ZBTB17: variants seen among roughly 807,000 people sequenced by gnomAD.
ZBTB17 encodes the protein zinc finger and BTB domain containing 17.
Under a neutral mutation model 85.1 loss-of-function variants are expected in ZBTB17, and 24 were observed. The ratio of observed to expected loss-of-function variants is 0.28; its 90% CI spans 0.20 to 0.40. The LOEUF is 0.40. ZBTB17 is among the 10% of genes least tolerant of loss of function. The pLI is 1.00. For synonymous variants in ZBTB17, 464 were observed against 460.2 expected (o/e 1.01, Z -0.11); for missense variants, 743 against 1,105.1 (o/e 0.67, Z 4.65).
intron 1 of ZBTB17, among the ~76,000 whole-genome samples, chr1:15,974,190 CA>C (rs35124967): frequency 6.7e-4 from 76 of 112,680 alleles, no homozygotes; most frequent in Admixed American, 1.2e-3. Context: ...GACGTAGTCT[CA>C]AAAAAAAAAA....
At chr1:15,959,913 G>A (rs2072195384) in intron 2 of ZBTB17, among the ~76,000 whole-genome samples, 1 of 152,084 alleles carries the variant, frequency 6.6e-6, no homozygotes, top group Admixed American at 6.5e-5. Context: ...CTTCTCAAAG[G>A]AAAAAATTTC....
rs144351835 is a variant in ZBTB17, at chr1:15,945,161, T to C, written c.703A>G (p.Lys235Glu). The change falls in exon 7 of 16, where the codon AAG (lysine) becomes GAG (glutamate). Residue 235 changes from lysine to glutamate, a missense_variant. Coordinates refer to ENST00000375743, the MANE Select transcript of ZBTB17 (RefSeq NM_003443.3). ...EPARKGEEEQ[K>E]EQEEQEEEGA... ...TCCTCCTCTTGCTCCTCTTGCTCCT[T>C]TTGCTCCTCTTCCCCTTTCCGGGCG... 12 of 1,572,668 alleles carry C rather than the reference T, an allele frequency of 7.6e-6. No homozygotes were observed. In the African/African-American group the frequency reaches 1.4e-4, roughly 18 times the overall value.
chr1:15,971,191 T>C (rs1225504906), intron 2 of ZBTB17, among the ~76,000 whole-genome samples: 1 of 151,924 alleles, frequency 6.6e-6, no homozygotes, highest in Non-Finnish European at 1.5e-5. Flanking sequence ...AGATCAAAAC[T>C]TGTTTGCTAA....
intron 2 of ZBTB17, among the ~76,000 whole-genome samples, chr1:15,955,891 G>A (rs1401285861): frequency 6.6e-6 from 1 of 152,140 alleles, no homozygotes; most frequent in Admixed American, 6.5e-5. Flanking sequence ...CACAACTAAA[G>A]TTTAGCCACA....
At chr1:15,944,060 G>A (rs1316273572) in intron 9 of ZBTB17, 165 bp from the exon 10 acceptor site, 3 of 967,228 alleles carry the variant, frequency 3.1e-6, no homozygotes, top group Non-Finnish European at 4.8e-6. Flanking sequence ...GCGGTGAGAG[G>A]TAAGCCGCCC....
At chr1:15,948,204 G>A (rs2071692870) in intron 3 of ZBTB17, 87 bp downstream of exon 3, 2 of 1,516,756 alleles carry the variant, frequency 1.3e-6, no homozygotes, top group East Asian at 2.3e-5. Flanking sequence ...CAGCCTGCAG[G>A]TGCTGCCCCT....
chr1:15,963,050 C>G (rs1259873092), intron 2 of ZBTB17, among the ~76,000 whole-genome samples: 2 of 152,182 alleles, frequency 1.3e-5, no homozygotes, highest in African/African-American at 4.8e-5. Context: ...ATTGCTTGAG[C>G]CCCAGAGTTT....
chr1:15,971,243 GAA>G (rs34763423), intron 2 of ZBTB17, among the ~76,000 whole-genome samples: 5 of 147,006 alleles, frequency 3.4e-5, no homozygotes, highest in Non-Finnish European at 7.5e-5. Context: ...CTGTGTGTAT[GAA>G]AAAAAAAAAT....
chr1:15,974,719 C>T (rs916160901), intron 1 of ZBTB17, among the ~76,000 whole-genome samples: 2 of 152,102 alleles, frequency 1.3e-5, no homozygotes, highest in Non-Finnish European at 2.9e-5. Context: ...GGACTACAGG[C>T]GCGCGCAAGC....
intron 2 of ZBTB17, among the ~76,000 whole-genome samples, chr1:15,962,786 C>T (rs2072306089): frequency 6.6e-6 from 1 of 152,020 alleles, no homozygotes; most frequent in African/African-American, 2.4e-5. Flanking sequence ...CGTATAAAAC[C>T]CAGCAGTGGT....
At position 15,958,372 on chromosome 1, in the gene ZBTB17, G is replaced by A. The variant is rs572610222; in HGVS notation, c.-2-9875C>T. Among the ~76,000 whole-genome samples the A allele has an allele frequency of 6.6e-5, 10 of 151,180 alleles. No homozygotes were observed. In the East Asian group the frequency reaches 7.8e-4, roughly 12 times the overall value. On this transcript the variant is annotated intron_variant, in intron 2 of 15. Transcript: ENST00000375743. ...CAGCTGGCCAAAGCCTTGGGAAGGC[G>A]GCTGACGGAAGCTAACAGAGCCACA... is the stretch of plus-strand genomic sequence containing the variant.
In ZBTB17 at chr1:15,966,416, A is replaced by G. The variant is rs183708336; in HGVS notation, c.-3+6623T>C. Among the ~76,000 whole-genome samples the G allele has an allele frequency of 5.3e-5, 8 of 152,262 alleles. No individual in the cohort carries two copies. The highest frequency in any genetic ancestry group is 1.9e-4 in the African/African-American group (8 of 41,550). On this transcript the variant is annotated intron_variant, in intron 2 of 15. Transcript: ENST00000375743. This position sits in a 1 kb window ranked among gnomAD's most constrained non-coding sequence, Gnocchi z 4.1. ...TTTTGATGTTACAATGAACCCACTA[A>G]GCCTGCTTTCTGGCCCGCTCTCCAC...
chr1:15,961,680 G>A (rs566276509), intron 2 of ZBTB17, among the ~76,000 whole-genome samples: 181 of 152,282 alleles, frequency 1.2e-3, no homozygotes, highest in African/African-American at 4.2e-3. Context: ...TACCACCTGC[G>A]GCAGCGATCA....
intron 2 of ZBTB17, among the ~76,000 whole-genome samples, chr1:15,960,486 T>C (rs1404408961): frequency 6.6e-6 from 1 of 152,106 alleles, no homozygotes. Context: ...AAAACGGATG[T>C]AAAAATCTCA....
rs1355929725 is a variant in ZBTB17 at position 15,941,967 on chromosome 1, G to A, written c.*2C>T. 1 of 1,591,116 alleles carries A rather than the reference G, an allele frequency of 6.3e-7. No homozygotes were observed. On this transcript the variant is annotated 3_prime_UTR_variant, in exon 16 of 16. Transcript: ENST00000375743. ...AAATAAACAGTCAGAAGGGCCGCCA[G>A]CTCACTCGGCAGGCGGGGGACATTC...
chr1:15,949,632 T>C (rs2071755216), intron 2 of ZBTB17, among the ~76,000 whole-genome samples: 1 of 152,186 alleles, frequency 6.6e-6, no homozygotes, highest in Non-Finnish European at 1.5e-5. Flanking sequence ...ACTTTGGGGC[T>C]CTCCGCCCCC....
chr1:15,951,701 C>T lies in ZBTB17; in HGVS notation c.-2-3204G>A, dbSNP rs1225779359. Reference sequence around the variant, plus strand: ...CCCACGTGAACTGCTCTGGAGGGATCACCAGCCTGTATCCTAGTTCCCCTC... The same window carrying T: ...CCCACGTGAACTGCTCTGGAGGGATTACCAGCCTGTATCCTAGTTCCCCTC... On this transcript the variant is annotated intron_variant, in intron 2 of 15. Transcript: ENST00000375743. The surrounding 1 kb of genome is among the most constrained non-coding windows in gnomAD (Gnocchi z 4.1). 2.0e-5 allele frequency among the ~76,000 whole-genome samples: 3 copies of T among 152,178 alleles called. No homozygotes were observed. Among genetic ancestry groups the T allele is most frequent in the Non-Finnish European group, 4.4e-5 (3 of 68,032 alleles).
Position 15,973,870 on chromosome 1 carries a change from A to G in ZBTB17, c.-89-745T>C, listed in dbSNP as rs1042404323. ...ACTCCCTTTGATACATTCTTCACTT[A>G]GCCAGAGTGATCTTCCTAATCCACA... On this transcript the variant is annotated intron_variant, in intron 1 of 15. Transcript: ENST00000375743. The surrounding 1 kb of genome is among the most constrained non-coding windows in gnomAD (Gnocchi z 4.1). Among the ~76,000 whole-genome samples, 2 of 152,202 alleles carry G rather than the reference A, an allele frequency of 1.3e-5. No homozygotes were observed. Among genetic ancestry groups the G allele is most frequent in the African/African-American group, 2.4e-5 (1 of 41,462 alleles).
Position 15,946,177 on chromosome 1 carries a change from C to A in ZBTB17, c.512G>T (p.Gly171Val). 6.2e-7 allele frequency: 1 copy of A among 1,609,646 alleles called. No homozygotes were observed. The highest frequency in any genetic ancestry group is 1.1e-5 in the South Asian group (1 of 91,086). Residue 171 changes from glycine to valine, a missense_variant, in exon 5 of 16, where the codon GGT becomes GTT. Coordinates refer to ENST00000375743, the MANE Select transcript of ZBTB17 (RefSeq NM_003443.3). ...ACCGCTGGCCGCACTCTGGGCCTGA[C>A]CGCCGCGCTCCTCCTTGAGGTCCCT... ...PSRDLKEERG[G>V]QAQSAASGAE...
Sources: allele counts gnomAD v4.1 joint callset (sites outside exome capture counted in the v4.1 genomes callset), GRCh38; gene constraint gnomAD v4.1.1; non-coding constraint Gnocchi (gnomAD v3.1); transcripts MANE v1.5; gene names NCBI Gene and HGNC (gene_info 2026-07-23, HGNC 2026-07-21).